Variants in NBEAL2 observed in about 807,000 individuals in gnomAD.
NBEAL2 encodes neurobeachin-like protein 2.
Under a neutral mutation model 299.8 loss-of-function variants are expected in NBEAL2, and 160 were observed. The observed-to-expected ratio is 0.53, with a 90% confidence interval of 0.47 to 0.61. The LOEUF (loss-of-function observed/expected upper bound fraction) is 0.61. Among genes scored for constraint, NBEAL2 ranks in the 20% least tolerant of loss-of-function variants. NBEAL2 has a pLI of 0.00. For missense variants in NBEAL2, 3,112 were observed against 3,649.0 expected, an observed-to-expected ratio of 0.85 and a Z score of 3.79; for synonymous variants, 1,493 against 1,542.3, an observed-to-expected ratio of 0.97 and a Z score of 0.75.
Position 46,988,465 on chromosome 3 carries a change from T to G in NBEAL2, c.52-204T>G, listed in dbSNP as rs2035832825. Among the ~76,000 whole-genome samples the G allele has an allele frequency of 6.6e-6, 1 of 152,040 alleles. No homozygotes were observed. ...AAAGTGGTCAGTATGTACCTAACTC[T>G]CTGATGCTGACCTTCCAATGTCCTG... is the stretch of plus-strand genomic sequence containing the variant. On this transcript the variant is annotated intron_variant, in intron 1 of 53. Coordinates refer to ENST00000450053, the MANE Select transcript of NBEAL2 (RefSeq NM_015175.3). The surrounding 1 kb of genome is among the most constrained non-coding windows in gnomAD (Gnocchi z 4.4).
In NBEAL2 at chr3:47,005,623, G is replaced by C; in HGVS notation, c.6691+4G>C. 6.2e-7 allele frequency: 1 copy of C among 1,613,678 alleles called. No homozygotes were observed. The highest frequency in any genetic ancestry group is 1.1e-5 in the South Asian group (1 of 91,050). ...GACTTCCTGGAGAACCAGAACGGTA[G>C]GTGTGAGGTGCTCACACTGGAGCGG... On this transcript the variant is annotated splice_donor_region_variant and intron_variant, in intron 41 of 53. Coordinates refer to ENST00000450053, the MANE Select transcript of NBEAL2 (RefSeq NM_015175.3).
intron 18 of NBEAL2, 91 bp downstream of exon 18, chr3:46,997,137 G>A: frequency 6.4e-7 from 1 of 1,553,744 alleles, no homozygotes; most frequent in Non-Finnish European, 8.8e-7. Flanking sequence ...CGCTGTGCCT[G>A]GGGAGGATTT....
chr3:46,997,209 G>A, intron 18 of NBEAL2, 50 bp from the exon 19 acceptor site: 1 of 1,606,672 alleles, frequency 6.2e-7, no homozygotes, highest in Non-Finnish European at 8.5e-7. Flanking sequence ...GTGGAGTAGG[G>A]CAGGAAACTG....
intron 45 of NBEAL2, 41 bp downstream of exon 45, chr3:47,006,490 TG>T (rs2037455057): frequency 2.6e-6 from 4 of 1,533,952 alleles, no homozygotes; most frequent in Non-Finnish European, 3.5e-6. Flanking sequence ...TTCTGTGAAA[TG>T]GGTTTAACCC....
Position 46,995,297 on chromosome 3 carries a change from A to G in NBEAL2, c.1562A>G (p.Gln521Arg). Residue 521 changes from glutamine (Q) to arginine (R), a missense_variant, in exon 13 of 54, where the codon CAA (glutamine) becomes CGA (arginine). Physicochemically the swap from Gln to Arg is conservative, Grantham distance 43. This residue lies in a region of NBEAL2 where 2,243 missense variants were observed against 2,538.1 expected (regional missense o/e 0.88). Transcript: ENST00000450053. Reference protein sequence around the residue: ...RCQEQLLALLQALGRVSIRPM... With the variant: ...RCQEQLLALLRALGRVSIRPM... ...CAAGAGCAGCTGCTGGCACTGCTACAAGCACTGGGCCGTGTATCAATAAGG... is the reference window on the plus strand; with the variant it reads ...CAAGAGCAGCTGCTGGCACTGCTACGAGCACTGGGCCGTGTATCAATAAGG... 1 of 1,575,332 alleles carries G rather than the reference A, an allele frequency of 6.3e-7. No individual in the cohort carries two copies. The highest frequency in any genetic ancestry group is 8.6e-7 in the Non-Finnish European group (1 of 1,160,958).
chr3:46,992,393 G>A lies in NBEAL2; in HGVS notation c.1033-82G>A, dbSNP rs933576954. ...GCAGGGCACCTGGCAGCTGCCCCTGGTCCTGCTCTAACCCCACCCTCTCCC... is the reference window on the plus strand; with the variant it reads ...GCAGGGCACCTGGCAGCTGCCCCTGATCCTGCTCTAACCCCACCCTCTCCC... On this transcript the variant is annotated intron_variant, in intron 9 of 53. Coordinates refer to ENST00000450053, the MANE Select transcript of NBEAL2 (RefSeq NM_015175.3). 35 of 1,327,544 alleles carry A rather than the reference G, an allele frequency of 2.6e-5. No homozygotes were observed. The South Asian group carries it at 4.3e-4, about 16-fold the overall frequency. 82.2% of individuals were successfully genotyped at this position (1,327,544 alleles called of 1,614,324 possible).
chr3:46,988,644 C>G lies in NBEAL2; in HGVS notation c.52-25C>G, dbSNP rs1431866759. ...TTACTGCATCCCTCCTGCCCCCCAC[C>G]ACTGTTCCCCTGTTCTGCCTACAGA... is the stretch of plus-strand genomic sequence containing the variant. On this transcript the variant is annotated intron_variant, in intron 1 of 53. Transcript: ENST00000450053. This position sits in a 1 kb window ranked among gnomAD's most constrained non-coding sequence, Gnocchi z 4.4. 6.2e-7 allele frequency: 1 copy of G among 1,603,398 alleles called. No homozygotes were observed. The highest frequency in any genetic ancestry group is 8.5e-7 in the Non-Finnish European group (1 of 1,170,460).
In NBEAL2 at chr3:47,002,030, G is replaced by A. The variant is rs370354783; in HGVS notation, c.4893G>A (p.Arg1631=). The A allele has an allele frequency of 1.9e-6, 3 of 1,569,020 alleles. No homozygotes were observed. Among genetic ancestry groups the A allele is most frequent in the Non-Finnish European group, 2.6e-6 (3 of 1,157,468 alleles). ...VLSKLEAALG[R]VLNTSSLESA... ...CCAAGCTGGAGGCTGCACTGGGGCGGGTGCTGAACACCTCTTCCTTGGAGT... is the reference window on the plus strand; with the variant it reads ...CCAAGCTGGAGGCTGCACTGGGGCGAGTGCTGAACACCTCTTCCTTGGAGT... The change falls in exon 31 of 54, where the codon CGG becomes CGA. Residue 1631 remains arginine (R), a synonymous_variant. Transcript: ENST00000450053.
Position 47,009,098 on chromosome 3 carries a change from G to T in NBEAL2, c.8137G>T (p.Val2713Leu). The change falls in exon 53 of 54, where the codon GTG becomes TTG. Residue 2713 changes from valine (V) to leucine (L), a missense_variant. Val to Leu is a conservative substitution (Grantham distance 32). Transcript: ENST00000450053. ...GGGCCTGGAGGATGGCAAGCTCATC[G>T]TGGTGGTCGCGGGGCAGCCCTCTGA... ...LVGLEDGKLI[V>L]VVAGQPSEVR... is the part of the protein sequence containing the mutation. 1 of 1,598,940 alleles carries T rather than the reference G, an allele frequency of 6.3e-7. No homozygotes were observed. The highest frequency in any genetic ancestry group is 8.5e-7 in the Non-Finnish European group (1 of 1,178,012).
rs1444511535 is a variant in NBEAL2, at chr3:46,989,318, A to C, written c.410A>C (p.His137Pro). 6.2e-7 allele frequency: 1 copy of C among 1,601,464 alleles called. No individual in the cohort carries two copies. The highest frequency in any genetic ancestry group is 1.1e-5 in the South Asian group (1 of 89,024). Residue 137 changes from histidine (H) to proline (P), a missense_variant, in exon 5 of 54, where the codon CAT (histidine) becomes CCT (proline). By Grantham distance (77) the His-to-Pro change is moderately conservative. This residue lies in a region of NBEAL2 where 2,243 missense variants were observed against 2,538.1 expected (regional missense o/e 0.88). Coordinates refer to ENST00000450053, the MANE Select transcript of NBEAL2 (RefSeq NM_015175.3). The surrounding 1 kb of genome is among the most constrained non-coding windows in gnomAD (Gnocchi z 5.5). Reference protein sequence around the residue: ...RGTQLENVALHALLLCEGLFD... With the variant: ...RGTQLENVALPALLLCEGLFD... ...ACGCAGTTGGAGAATGTGGCCCTAC[A>C]TGCTCTGCTTCTCTGCGAGGGCCTC...
Position 46,997,351 on chromosome 3 carries a change from T to C in NBEAL2, c.2742T>C (p.Ala914=). Residue 914 remains alanine, a synonymous_variant, in exon 19 of 54, where the codon GCT becomes GCC. Transcript: ENST00000450053. ...CCAAAGAGGCTGAAGCAGGTCCAGCTGAAACGCATGACCTCGTGGGTCCTG... is the reference window on the plus strand; with the variant it reads ...CCAAAGAGGCTGAAGCAGGTCCAGCCGAAACGCATGACCTCGTGGGTCCTG... ...AQPKEAEAGP[A]ETHDLVGPEL... is the part of the protein sequence containing the mutation. 6.2e-7 allele frequency: 1 copy of C among 1,612,708 alleles called. No homozygotes were observed. The highest frequency in any genetic ancestry group is 8.5e-7 in the Non-Finnish European group (1 of 1,179,800).
At chr3:46,995,664 T>C (rs1032080905) in intron 13 of NBEAL2, 31 bp downstream of exon 13, 1 of 1,609,268 alleles carries the variant, frequency 6.2e-7, no homozygotes, top group Non-Finnish European at 8.5e-7. Flanking sequence ...AGGGACCTCC[T>C]GCCAGGGTGA....
Position 47,008,167 on chromosome 3 carries a change from T to C in NBEAL2, c.7700T>C (p.Met2567Thr). The C allele has an allele frequency of 6.2e-7, 1 of 1,613,978 alleles. No individual in the cohort carries two copies. The highest frequency in any genetic ancestry group is 8.5e-7 in the Non-Finnish European group (1 of 1,179,878). ...SCVAISTELD[M>T]AVSGSEDGTV... Reference sequence around the variant, plus strand: ...GTGGCCATCAGCACTGAACTTGACATGGCTGTGTCTGGATCTGAGGTGTGT... The same window carrying C: ...GTGGCCATCAGCACTGAACTTGACACGGCTGTGTCTGGATCTGAGGTGTGT... The change falls in exon 50 of 54, where the codon ATG becomes ACG. Residue 2567 changes from methionine (M) to threonine (T), a missense_variant. Coordinates refer to ENST00000450053, the MANE Select transcript of NBEAL2 (RefSeq NM_015175.3).
intron 10 of NBEAL2, among the ~76,000 whole-genome samples, chr3:46,992,785 C>G (rs1363551664): frequency 6.6e-6 from 1 of 152,188 alleles, no homozygotes; most frequent in African/African-American, 2.4e-5. Flanking sequence ...GGGGGTCTGG[C>G]TGTGCCAAGC....
rs760597889 is a variant in NBEAL2, at chr3:47,000,144, C to G, written c.4045C>G (p.Leu1349Val). 8 of 1,613,728 alleles carry G rather than the reference C, an allele frequency of 5.0e-6. No homozygotes were observed. The East Asian group carries it at 6.7e-5, about 13-fold the overall frequency. Residue 1349 changes from leucine to valine, a missense_variant, in exon 27 of 54, where the codon CTC (leucine) becomes GTC (valine). By Grantham distance (32) the Leu-to-Val change is conservative (BLOSUM62 1). Transcript: ENST00000450053. This position sits in a 1 kb window ranked among gnomAD's most constrained non-coding sequence, Gnocchi z 4.5. Reference sequence around the variant, plus strand: ...TGACCCTGATGGCTTTTACCATGCTCTCTCCCCATTCTGCACGCCCTTTGA... The same window carrying G: ...TGACCCTGATGGCTTTTACCATGCTGTCTCCCCATTCTGCACGCCCTTTGA... ...CPDPDGFYHA[L>V]SPFCTPFDLG...
chr3:46,996,643 T>G, intron 16 of NBEAL2, 51 bp downstream of exon 16: 4 of 1,355,020 alleles, frequency 3.0e-6, no homozygotes, highest in Non-Finnish European at 2.9e-6. Context: ...AAGCTAGGGG[T>G]CCGGGGGGAG....
In NBEAL2 at chr3:46,995,089, G is replaced by C; in HGVS notation, c.1354G>C (p.Val452Leu). 6.4e-7 allele frequency: 1 copy of C among 1,569,740 alleles called. No homozygotes were observed. Reference protein sequence around the residue: ...PPPPIRNEQPVLVLAQWLPSL... With the variant: ...PPPPIRNEQPLLVLAQWLPSL... ...TCCACCAATCCGCAACGAGCAGCCG[G>C]TACTGGTGCTGGCGCAGTGGCTGCC... Residue 452 changes from valine to leucine, a missense_variant, in exon 13 of 54, where the codon GTA becomes CTA. Coordinates refer to ENST00000450053, the MANE Select transcript of NBEAL2 (RefSeq NM_015175.3).
intron 1 of NBEAL2, among the ~76,000 whole-genome samples, chr3:46,987,186 C>CAGGCCTT (rs1239924772): frequency 6.6e-6 from 1 of 152,236 alleles, no homozygotes; most frequent in African/African-American, 2.4e-5. Context: ...TGGGGCCATT[C>CAGGCCTT]AGGCCTTGCC....
chr3:47,008,079 T>C lies in NBEAL2; in HGVS notation c.7612T>C (p.Ser2538Pro). The change falls in exon 50 of 54, where the codon TCA becomes CCA. Residue 2538 changes from serine (S) to proline (P), a missense_variant. Around this residue, in one of 3 missense-constraint regions of NBEAL2, gnomAD observed 348 missense variants for 381.4 expected, o/e 0.91. Transcript: ENST00000450053. ...VWRLLHQGGLSVGLAPKPVQV... is the reference protein window; with the variant it reads ...VWRLLHQGGLPVGLAPKPVQV... ...CCCTGGTCCTCCACAGGGTGGTCTGTCAGTAGGCCTGGCACCAAAGCCTGT... is the reference window on the plus strand; with the variant it reads ...CCCTGGTCCTCCACAGGGTGGTCTGCCAGTAGGCCTGGCACCAAAGCCTGT... 1 of 1,613,954 alleles carries C rather than the reference T, an allele frequency of 6.2e-7. No homozygotes were observed. The highest frequency in any genetic ancestry group is 8.5e-7 in the Non-Finnish European group (1 of 1,179,858).
Sources: gnomAD v4.1 joint callset for allele counts (sites outside exome capture counted in the v4.1 genomes callset) on GRCh38, gnomAD v4.1.1 for gene constraint, gnomAD v4.1.1 regional missense constraint, Gnocchi (gnomAD v3.1) non-coding constraint, MANE v1.5 for transcripts, NCBI Gene and HGNC (gene_info 2026-07-23, HGNC 2026-07-21) for gene names.